IGSF10: variants seen among roughly 807,000 people sequenced by gnomAD.
IGSF10 encodes the protein immunoglobulin superfamily member 10, also known as calvaria mechanical force protein 608.
In IGSF10, 126 loss-of-function variants were observed where a neutral mutation model predicts 128.2. The ratio of observed to expected loss-of-function variants is 0.98; its 90% CI spans 0.85 to 1.14. The LOEUF (loss-of-function observed/expected upper bound fraction) is 1.14. Among genes scored for constraint, IGSF10 ranks in the 50% most tolerant of loss-of-function variants. IGSF10 has a pLI of 0.00. For synonymous variants in IGSF10, 1,185 were observed against 1,146.2 expected (o/e 1.03, Z -0.68); for missense variants, 3,295 against 3,149.8 (o/e 1.05, Z -1.10).
chr3:151,490,315 C>T, the IGSF10 span, among the ~76,000 whole-genome samples: 1 of 152,112 alleles, frequency 6.6e-6, no homozygotes, highest in African/African-American at 2.4e-5. Flanking sequence ...GAGGTCAATT[C>T]ATCAAGAGGA....
chr3:151,483,600 T>C, the IGSF10 span, among the ~76,000 whole-genome samples: 182 of 152,280 alleles, frequency 1.2e-3, no homozygotes, highest in Middle Eastern at 6.8e-3. Context: ...TCTATATTTC[T>C]AACTGAGGTA....
the IGSF10 span, among the ~76,000 whole-genome samples, chr3:151,619,800 G>A: frequency 6.6e-5 from 10 of 152,218 alleles, no homozygotes; most frequent in East Asian, 1.9e-3. Flanking sequence ...TTAATGGGTT[G>A]ATAGGTTAAT....
the IGSF10 span, among the ~76,000 whole-genome samples, chr3:151,610,336 C>T: frequency 5.9e-5 from 9 of 152,218 alleles, no homozygotes; most frequent in African/African-American, 7.2e-5. Context: ...TATAGGCCAC[C>T]GGTTTTCCTT....
Position 151,437,765 on chromosome 3 carries a change from T to G in IGSF10, c.6796A>C (p.Thr2266Pro), listed in dbSNP as rs762106625. Residue 2266 changes from threonine to proline, a missense_variant, in exon 8 of 8, where the codon ACA becomes CCA. Coordinates refer to ENST00000282466, the MANE Select transcript of IGSF10 (RefSeq NM_178822.5). ...ATCCACATGACTTCAGGAGATGGTG[T>G]CCCTTCAGCTCTGCAGTCAAAGTGT... ...KKHFDCRAEG[T>P]PSPEVMWIMP... 6.2e-7 allele frequency: 1 copy of G among 1,613,918 alleles called. No individual in the cohort carries two copies. The highest frequency in any genetic ancestry group is 2.2e-5 in the East Asian group (1 of 44,882).
the IGSF10 span, among the ~76,000 whole-genome samples, chr3:151,476,755 G>T: frequency 6.6e-6 from 1 of 152,192 alleles, no homozygotes; most frequent in Non-Finnish European, 1.5e-5. Flanking sequence ...GTCCAAAAGT[G>T]AATGTGCTAT....
At chr3:151,557,096 A>G in the IGSF10 span, among the ~76,000 whole-genome samples, 80 of 152,338 alleles carry the variant, frequency 5.3e-4, no homozygotes, top group African/African-American at 1.8e-3. Context: ...TGAAGGTTCA[A>G]TAACTGAGTC....
downstream of IGSF10, chr3:151,435,812 C>T (rs1017399902): frequency 1.3e-5 from 2 of 150,468 alleles, no homozygotes; most frequent in African/African-American, 4.9e-5. Context: ...ATTTTAAATA[C>T]AGTGAAACTT....
In IGSF10 at chr3:151,448,773, T is replaced by G. The variant is rs1721361043; in HGVS notation, c.1208A>C (p.Lys403Thr). The G allele has an allele frequency of 2.5e-6, 4 of 1,613,660 alleles. No homozygotes were observed. The African/African-American group carries it at 5.3e-5, about 22-fold the overall frequency. ...LLSETPQLYY[K>T]YKQVAPKPED... ...AGGCTTAGGAGCCACCTGTTTATAT[T>G]TGTAATAGAGCTGCGGTGTTTCACT... The change falls in exon 6 of 8, where the codon AAA becomes ACA. Residue 403 changes from lysine to threonine, a missense_variant. Lys to Thr is a moderately conservative substitution (Grantham distance 78). Transcript: ENST00000282466.
chr3:151,596,610 T>C, the IGSF10 span, among the ~76,000 whole-genome samples: 2 of 152,174 alleles, frequency 1.3e-5, no homozygotes, highest in African/African-American at 4.8e-5. Flanking sequence ...AGAGACGCCT[T>C]CTTTCTATTC....
At position 151,448,083 on chromosome 3, in the gene IGSF10, A is replaced by G; in HGVS notation, c.1898T>C (p.Leu633Ser). ...KVLNNGTLRI[L>S]QVTPKDQGYY... is the part of the protein sequence containing the mutation. ...ACCTTGGTCTTTCGGGGTGACCTGT[A>G]ATATTCTTAATGTGCCATTGTTTAG... Residue 633 changes from leucine to serine, a missense_variant, in exon 6 of 8, where the codon TTA becomes TCA. Physicochemically the swap from Leu to Ser is moderately radical, Grantham distance 145 (BLOSUM62 -2). Transcript: ENST00000282466. 1 of 1,614,162 alleles carries G rather than the reference A, an allele frequency of 6.2e-7. No homozygotes were observed. Among genetic ancestry groups the G allele is most frequent in the Non-Finnish European group, 8.5e-7 (1 of 1,180,040 alleles).
At chr3:151,461,248 C>G, upstream of IGSF10, 1 of 985,366 alleles carries the variant, frequency 1.0e-6, no homozygotes, top group Non-Finnish European at 1.2e-6. Flanking sequence ...TTGGCAGGTC[C>G]TGGCTGGGTG....
chr3:151,551,220 T>C, the IGSF10 span, among the ~76,000 whole-genome samples: 10 of 152,178 alleles, frequency 6.6e-5, no homozygotes, highest in African/African-American at 2.4e-4. Flanking sequence ...TAACTCCCTT[T>C]GATGCATACT....
At chr3:151,525,289 T>A in the IGSF10 span, among the ~76,000 whole-genome samples, 1 of 152,168 alleles carries the variant, frequency 6.6e-6, no homozygotes, top group Non-Finnish European at 1.5e-5. Context: ...TAAGGCTATA[T>A]TACAGAATAT....
At chr3:151,502,403 G>A in the IGSF10 span, among the ~76,000 whole-genome samples, 1 of 152,006 alleles carries the variant, frequency 6.6e-6, no homozygotes, top group African/African-American at 2.4e-5. Flanking sequence ...AGCCTATGGA[G>A]TGACGCTTGT....
At chr3:151,561,136 G>GA in the IGSF10 span, among the ~76,000 whole-genome samples, 1 of 152,118 alleles carries the variant, frequency 6.6e-6, no homozygotes, top group Non-Finnish European at 1.5e-5. Flanking sequence ...CAATTTTGCT[G>GA]AAAAACAGCC....
At chr3:151,607,376 C>T in the IGSF10 span, among the ~76,000 whole-genome samples, 6 of 151,792 alleles carry the variant, frequency 4.0e-5, no homozygotes, top group African/African-American at 1.5e-4. Flanking sequence ...TTAGAATCAC[C>T]TGGGGATAAA....
chr3:151,441,840 T>C (rs1720868080), intron 7 of IGSF10, among the ~76,000 whole-genome samples: 1 of 152,158 alleles, frequency 6.6e-6, no homozygotes, highest in Admixed American at 6.6e-5. Context: ...GGCGGGCAGA[T>C]CACGAGGTCA....
chr3:151,572,328 C>T, the IGSF10 span, among the ~76,000 whole-genome samples: 2 of 152,132 alleles, frequency 1.3e-5, no homozygotes, highest in Non-Finnish European at 1.5e-5. Context: ...TGGTAGAATT[C>T]GGCTGTGAAT....
the IGSF10 span, among the ~76,000 whole-genome samples, chr3:151,573,964 GA>G: frequency 6.6e-6 from 1 of 152,114 alleles, no homozygotes; most frequent in Non-Finnish European, 1.5e-5. Context: ...GTCTGTAAAG[GA>G]TTTTATTTCT....
Sources: gnomAD v4.1 joint callset for allele counts (sites outside exome capture counted in the v4.1 genomes callset) on GRCh38, gnomAD v4.1.1 for gene constraint, MANE v1.5 for transcripts, NCBI Gene and HGNC (gene_info 2026-07-23, HGNC 2026-07-21) for gene names.